The following CALN1 variants were observed in gnomAD, a reference collection of about 807,000 sequenced individuals.
CALN1 encodes calneuron 1, also known as calcium-binding protein 8.
A neutral mutation model predicts 30.6 loss-of-function variants in CALN1; 17 were observed. The ratio of observed to expected loss-of-function variants is 0.56; its 90% confidence interval spans 0.38 to 0.83. The LOEUF is 0.83. Among genes scored for constraint, CALN1 ranks in the 40% least tolerant of loss-of-function variants. The probability of loss-of-function intolerance (pLI) is 0.00; values close to 1 mark genes in which losing one functional copy is unlikely to be tolerated. For missense variants in CALN1, 291 were observed against 354.9 expected, an observed-to-expected ratio of 0.82 and a Z score of 1.45; for synonymous variants, 156 against 131.4, an observed-to-expected ratio of 1.19 and a Z score of -1.28.
At chr7:72,039,618 C>T (rs1338243861) in intron 4 of CALN1, among the ~76,000 whole-genome samples, 1 of 152,184 alleles carries the variant, frequency 6.6e-6, no homozygotes, top group African/African-American at 2.4e-5. Context: ...ATCAGGGTCT[C>T]CCCCACCACC....
chr7:72,044,943 AAT>A (rs1802376445), intron 4 of CALN1, among the ~76,000 whole-genome samples: 1 of 152,104 alleles, frequency 6.6e-6, no homozygotes, highest in African/African-American at 2.4e-5. Flanking sequence ...TCTGATCTGA[AAT>A]ATGTTAGGCA....
In CALN1 at chr7:72,358,402, G is replaced by T. The variant is rs567121665; in HGVS notation, c.119+44849C>A. Among the ~76,000 whole-genome samples, 136 of 150,874 alleles carry T rather than the reference G, an allele frequency of 9.0e-4. 6 individuals are homozygous for T. In the South Asian group the frequency reaches 0.027, roughly 30 times the overall value. On this transcript the variant is annotated intron_variant, in intron 2 of 6. Transcript: ENST00000395275. ...GATTAGTAAATGGAGAAAGGAAAAG[G>T]ACTGTTAGATACAATCCTCTTGTTC...
chr7:72,173,191 C>A (rs1789092205), intron 3 of CALN1, among the ~76,000 whole-genome samples: 2 of 151,808 alleles, frequency 1.3e-5, no homozygotes, highest in Non-Finnish European at 2.9e-5. Context: ...CTATAAAAAT[C>A]AATTCCATCT....
At chr7:72,287,698 A>G (rs972335283) in intron 2 of CALN1, among the ~76,000 whole-genome samples, 4 of 152,092 alleles carry the variant, frequency 2.6e-5, no homozygotes, top group East Asian at 3.9e-4. Flanking sequence ...CACCTGCCTC[A>G]GCCTCCCAAA....
chr7:72,439,618 C>G (rs953373670), intron 1 of CALN1, among the ~76,000 whole-genome samples: 1 of 148,086 alleles, frequency 6.8e-6, no homozygotes, highest in African/African-American at 2.5e-5. Flanking sequence ...CGCTTTGTCG[C>G]CCGGGCTGGA....
At chr7:72,445,057 AACACACACACACACAC>A (rs4029789) in intron 1 of CALN1, among the ~76,000 whole-genome samples, 388 of 138,894 alleles carry the variant, frequency 2.8e-3, no homozygotes, top group Middle Eastern at 7.1e-3. Flanking sequence ...CAGTGAATTA[AACACACACACACACAC>A]ACACACACAC....
intron 2 of CALN1, among the ~76,000 whole-genome samples, chr7:72,337,428 AC>A (rs1802142409): frequency 1.3e-5 from 2 of 151,080 alleles, no homozygotes; most frequent in Non-Finnish European, 2.9e-5. Context: ...GCGCGCACAC[AC>A]ACACACACAC....
At chr7:71,997,164 T>C (rs1038939513) in intron 5 of CALN1, among the ~76,000 whole-genome samples, 6 of 152,004 alleles carry the variant, frequency 3.9e-5, no homozygotes, top group Non-Finnish European at 7.4e-5. Context: ...GCCCAGGATT[T>C]GGGGGTTGCA....
chr7:72,438,070 C>T (rs1055096693), intron 1 of CALN1, among the ~76,000 whole-genome samples: 1 of 151,888 alleles, frequency 6.6e-6, no homozygotes, highest in African/African-American at 2.4e-5. Flanking sequence ...CACTCCTAAG[C>T]TCCAATGATC....
chr7:72,395,102 C>A lies in CALN1; in HGVS notation c.119+8149G>T, dbSNP rs191007405. Among the ~76,000 whole-genome samples, 17 of 152,240 alleles carry A rather than the reference C, an allele frequency of 1.1e-4. No homozygotes were observed. The East Asian group carries it at 3.3e-3, about 29-fold the overall frequency. ...AAACTCTATGGTAAGTACTAACCTACCTCCCCAAGACCCTGTAGACTGCAT... is the reference window on the plus strand; with the variant it reads ...AAACTCTATGGTAAGTACTAACCTAACTCCCCAAGACCCTGTAGACTGCAT... On this transcript the variant is annotated intron_variant, in intron 2 of 6. Transcript: ENST00000395275.
intron 1 of CALN1, among the ~76,000 whole-genome samples, chr7:72,446,089 T>C (rs1392661898): frequency 1.3e-5 from 2 of 152,060 alleles, no homozygotes; most frequent in Non-Finnish European, 2.9e-5. Context: ...GAGATGACTG[T>C]CACTCAGGCC....
chr7:72,094,093 A>G (rs1806054267), intron 4 of CALN1, among the ~76,000 whole-genome samples: 1 of 152,238 alleles, frequency 6.6e-6, no homozygotes, highest in African/African-American at 2.4e-5. Flanking sequence ...GCCCATGGCT[A>G]GAATCAGATT....
chr7:72,195,853 G>A (rs1235964872), intron 3 of CALN1, among the ~76,000 whole-genome samples: 1 of 152,070 alleles, frequency 6.6e-6, no homozygotes, highest in African/African-American at 2.4e-5. Flanking sequence ...ATTGAAAAAT[G>A]GATAAACAAA....
At chr7:72,410,507 T>TATAC (rs1210965502) in intron 1 of CALN1, among the ~76,000 whole-genome samples, 1 of 152,182 alleles carries the variant, frequency 6.6e-6, no homozygotes, top group Admixed American at 6.6e-5. Flanking sequence ...AAATAAAATA[T>TATAC]ATACACAAGC....
chr7:72,345,445 GAAAGACAA>G (rs1277712292), intron 2 of CALN1, among the ~76,000 whole-genome samples: 1 of 146,664 alleles, frequency 6.8e-6, no homozygotes, highest in African/African-American at 2.5e-5. Flanking sequence ...GGGAAAGAGA[GAAAGACAA>G]AAAGACAAAA....
chr7:72,485,361 T>A, the CALN1 span, among the ~76,000 whole-genome samples: 1 of 152,090 alleles, frequency 6.6e-6, no homozygotes, highest in Non-Finnish European at 1.5e-5. Flanking sequence ...GTGTTTAAGA[T>A]CAGCCTGAGC....
At chr7:72,371,036 A>G (rs1804209464) in intron 2 of CALN1, among the ~76,000 whole-genome samples, 2 of 147,462 alleles carry the variant, frequency 1.4e-5, no homozygotes, top group Admixed American at 1.4e-4. Context: ...TGACAGAGCA[A>G]AATTAAGTCT....
rs556988487 is a variant in CALN1 at position 72,363,973 on chromosome 7, G to T, written c.119+39278C>A. ...TGGTCTCAAACCCCTGACCTCAGGT[G>T]ATCTGCCTGTCTCAGTCTCTCAAAG... On this transcript the variant is annotated intron_variant, in intron 2 of 6. Transcript: ENST00000395275. Among the ~76,000 whole-genome samples, 6 of 152,062 alleles carry T rather than the reference G, an allele frequency of 3.9e-5. No homozygotes were observed. The South Asian group carries it at 1.2e-3, about 32-fold the overall frequency.
chr7:71,818,283 G>C (rs1157562382), intron 5 of CALN1, among the ~76,000 whole-genome samples: 1 of 152,054 alleles, frequency 6.6e-6, no homozygotes, highest in Non-Finnish European at 1.5e-5. Context: ...GTGAGTGAGG[G>C]GAGGGTGGGA....
Sources: allele counts gnomAD v4.1 joint callset (sites outside exome capture counted in the v4.1 genomes callset), GRCh38; gene constraint gnomAD v4.1.1; transcripts MANE v1.5; gene names NCBI Gene and HGNC (gene_info 2026-07-23, HGNC 2026-07-21).